The following CELSR3 variants were observed in gnomAD, a reference collection of about 807,000 sequenced individuals.
CELSR3 encodes the protein EGF-like protein 1.
CELSR3 carries 73 observed loss-of-function variants against 270.0 expected under a neutral mutation model. That is an observed-to-expected ratio of 0.27 (90% CI 0.22 to 0.33). The LOEUF (loss-of-function observed/expected upper bound fraction) is 0.33, where lower values mean the gene tolerates loss of function less well. CELSR3 is among the 10% of genes least tolerant of loss of function. The pLI, the probability that CELSR3 is intolerant of heterozygous loss-of-function variation, is 1.00. For missense variants in CELSR3, 3,614 were observed against 4,533.8 expected (o/e 0.80, Z 5.83); for synonymous variants, 1,780 against 1,905.4 (o/e 0.93, Z 1.71).
In CELSR3 at chr3:48,640,700, G is replaced by A. The variant is rs2047017931; in HGVS notation, c.9026-141C>T. 2.2e-6 allele frequency: 2 copies of A among 907,604 alleles called. No individual in the cohort carries two copies. Among genetic ancestry groups the A allele is most frequent in the Non-Finnish European group, 3.2e-6 (2 of 620,284 alleles). The allele number at this position is 907,604 out of a possible 1,614,324, so 56.2% of individuals were successfully genotyped here. On this transcript the variant is annotated intron_variant, in intron 33 of 34. Transcript: ENST00000164024. This position sits in a 1 kb window ranked among gnomAD's most constrained non-coding sequence, Gnocchi z 7.5. ...CAGGAACCCCTTGGGGAGCAGCAGA[G>A]GCAACCCTGGTGGTCCCAGAGAGGC... is the stretch of plus-strand genomic sequence containing the variant.
In CELSR3 at chr3:48,651,838, T is replaced by A. The variant is rs2047140203; in HGVS notation, c.5923+39A>T. Reference sequence around the variant, plus strand: ...GTCTTCATCATGGGCCCCTAACGCCTGCCCAGGTCACCCTTCCCCCAACCC... The same window carrying A: ...GTCTTCATCATGGGCCCCTAACGCCAGCCCAGGTCACCCTTCCCCCAACCC... On this transcript the variant is annotated intron_variant, in intron 12 of 34. Transcript: ENST00000164024. This position sits in a 1 kb window ranked among gnomAD's most constrained non-coding sequence, Gnocchi z 7.4. The A allele has an allele frequency of 6.3e-7, 1 of 1,579,268 alleles. No homozygotes were observed. Among genetic ancestry groups the A allele is most frequent in the African/African-American group, 1.4e-5 (1 of 73,580 alleles).
Position 48,651,359 on chromosome 3 carries a change from C to T in CELSR3, c.6186G>A (p.Lys2062=). ...TTAAAAGGTCAGGGGCCAGGCGCAC[C>T]TTGCAGTGACACTGCCCATTTGTCT... is the stretch of plus-strand genomic sequence containing the variant. The part of the protein sequence containing the change: ...CNKTNGQCHC[K]EFHYRPRGSD... Residue 2062 remains lysine, a splice_region_variant and synonymous_variant, in exon 14 of 35, where the codon AAG becomes AAA. Coordinates refer to ENST00000164024, the MANE Select transcript of CELSR3 (RefSeq NM_001407.3). This position sits in a 1 kb window ranked among gnomAD's most constrained non-coding sequence, Gnocchi z 7.4. 6.2e-7 allele frequency: 1 copy of T among 1,613,990 alleles called. No homozygotes were observed. The highest frequency in any genetic ancestry group is 8.5e-7 in the Non-Finnish European group (1 of 1,179,922).
Position 48,658,172 on chromosome 3 carries a change from G to T in CELSR3, c.3748+715C>A, listed in dbSNP as rs1376502164. On this transcript the variant is annotated intron_variant, in intron 1 of 34. Transcript: ENST00000164024. This position sits in a 1 kb window ranked among gnomAD's most constrained non-coding sequence, Gnocchi z 4.7. ...TTGAGTGAGTTGAGGGATAAATGAA[G>T]GTTGTGCCTTCTCAGGCAGTGCCAG... Among the ~76,000 whole-genome samples the T allele has an allele frequency of 7.2e-5, 11 of 152,210 alleles. No homozygotes were observed. The highest frequency in any genetic ancestry group is 7.2e-4 in the Admixed American group (11 of 15,282).
chr3:48,649,778 C>T (rs529477889), intron 16 of CELSR3, among the ~76,000 whole-genome samples: 82 of 152,230 alleles, frequency 5.4e-4, no homozygotes, highest in African/African-American at 1.9e-3. Flanking sequence ...TTTGTAGCTA[C>T]CAACAAGAGA....
At chr3:48,656,524 T>A (rs1383453757) in intron 2 of CELSR3, among the ~76,000 whole-genome samples, 159 bp from the exon 3 acceptor site, 2 of 152,240 alleles carry the variant, frequency 1.3e-5, no homozygotes, top group Non-Finnish European at 2.9e-5. Context: ...CCCTCCCCAG[T>A]CTCATCGCTG....
In CELSR3 at chr3:48,652,049, C is replaced by A; in HGVS notation, c.5752-1G>T. 6.5e-7 allele frequency: 1 copy of A among 1,535,574 alleles called. No individual in the cohort carries two copies. The highest frequency in any genetic ancestry group is 1.3e-5 in the South Asian group (1 of 78,544). Reference sequence around the variant, plus strand: ...AGGGTGTGGAGCCGAGCCACACCCCCTGTGGACACACAGCCAGCAAGGGGT... The same window carrying A: ...AGGGTGTGGAGCCGAGCCACACCCCATGTGGACACACAGCCAGCAAGGGGT... On this transcript the variant is annotated splice_acceptor_variant, in intron 11 of 34. Coordinates refer to ENST00000164024, the MANE Select transcript of CELSR3 (RefSeq NM_001407.3). LOFTEE classifies it high-confidence loss of function. This position sits in a 1 kb window ranked among gnomAD's most constrained non-coding sequence, Gnocchi z 4.3.
Position 48,653,599 on chromosome 3 carries a change from G to A in CELSR3, c.5448+20C>T. 1 of 1,611,786 alleles carries A rather than the reference G, an allele frequency of 6.2e-7. No individual in the cohort carries two copies. Among genetic ancestry groups the A allele is most frequent in the Non-Finnish European group, 8.5e-7 (1 of 1,178,530 alleles). On this transcript the variant is annotated intron_variant, in intron 9 of 34. Transcript: ENST00000164024. The surrounding 1 kb of genome is among the most constrained non-coding windows in gnomAD (Gnocchi z 6.5). Reference sequence around the variant, plus strand: ...AGAGACTGAGAACTGAGGGTATAGGGGTGAGCAGGGTGGACACACCTGGCA... The same window carrying A: ...AGAGACTGAGAACTGAGGGTATAGGAGTGAGCAGGGTGGACACACCTGGCA...
intron 16 of CELSR3, among the ~76,000 whole-genome samples, chr3:48,649,926 G>A (rs1261371875): frequency 6.6e-6 from 1 of 152,144 alleles, no homozygotes; most frequent in Non-Finnish European, 1.5e-5. Flanking sequence ...AGCAGGGAGT[G>A]TTCTGAGGGG....
Position 48,653,305 on chromosome 3 carries a change from T to G in CELSR3, c.5449-118A>C. 1.1e-6 allele frequency: 1 copy of G among 928,826 alleles called. No individual in the cohort carries two copies. 57.5% of individuals were successfully genotyped at this position (928,826 alleles called of 1,614,324 possible). ...GAGGTCAGAACAGTGGGGTCAAGGT[T>G]ATACCTGGCACAAAGGGCACTGTGC... On this transcript the variant is annotated intron_variant, in intron 9 of 34. Coordinates refer to ENST00000164024, the MANE Select transcript of CELSR3 (RefSeq NM_001407.3). This position sits in a 1 kb window ranked among gnomAD's most constrained non-coding sequence, Gnocchi z 6.5.
At position 48,638,133 on chromosome 3, in the gene CELSR3, C is replaced by A; in HGVS notation, c.*72G>T. 7.1e-7 allele frequency: 1 copy of A among 1,404,072 alleles called. No individual in the cohort carries two copies. The highest frequency in any genetic ancestry group is 1.0e-6 in the Non-Finnish European group (1 of 990,056). 87.0% of individuals were successfully genotyped at this position (1,404,072 alleles called of 1,614,324 possible). ...GAGGCTGCCTTGGGATCTGCCCCCA[C>A]TCCTGGAGTCTCTCCTGTTAGCCTA... On this transcript the variant is annotated 3_prime_UTR_variant, in exon 35 of 35. Coordinates refer to ENST00000164024, the MANE Select transcript of CELSR3 (RefSeq NM_001407.3).
chr3:48,649,759 T>C (rs2047120477), intron 16 of CELSR3, among the ~76,000 whole-genome samples: 2 of 152,112 alleles, frequency 1.3e-5, no homozygotes, highest in African/African-American at 4.8e-5. Context: ...GACTTGGATC[T>C]TAAAAAAGTT....
In CELSR3 at chr3:48,661,312, G is replaced by C. The variant is rs145748206; in HGVS notation, c.1323C>G (p.Thr441=). ...AGCCCTCCTCCACATTCTCGCGAAG[G>C]GTCTCCCGGTACTGCGCTTGCTCAA... ...PVFEQAQYRE[T]LRENVEEGYP... The change falls in exon 1 of 35, where the codon ACC becomes ACG. Residue 441 remains threonine (T), a synonymous_variant. Transcript: ENST00000164024. The C allele has an allele frequency of 9.7e-4, 1,569 of 1,613,392 alleles. 18 individuals are homozygous for C. The African/African-American group carries it at 0.018, about 18-fold the overall frequency.
rs749234917 is a variant in CELSR3, at chr3:48,641,296, G to C, written c.9025+28C>G. On this transcript the variant is annotated intron_variant, in intron 33 of 34. Transcript: ENST00000164024. The surrounding 1 kb of genome is among the most constrained non-coding windows in gnomAD (Gnocchi z 4.8). ...CATGAGCAGCCCCCAGCGTGTCTGCGGTGTGGGCCAGGGCTCAGGGACTGT... is the reference window on the plus strand; with the variant it reads ...CATGAGCAGCCCCCAGCGTGTCTGCCGTGTGGGCCAGGGCTCAGGGACTGT... 5 of 1,470,660 alleles carry C rather than the reference G, an allele frequency of 3.4e-6. No homozygotes were observed. Among genetic ancestry groups the C allele is most frequent in the Non-Finnish European group, 4.8e-6 (5 of 1,052,374 alleles). 91.1% of individuals were successfully genotyped at this position (1,470,660 alleles called of 1,614,324 possible). A position where few individuals can be genotyped will look rare whatever the true frequency, so the allele number is the denominator to read the frequency against.
chr3:48,660,202 A>C lies in CELSR3; in HGVS notation c.2433T>G (p.Gly811=), dbSNP rs1248390156. 1 of 1,613,744 alleles carries C rather than the reference A, an allele frequency of 6.2e-7. No individual in the cohort carries two copies. Among genetic ancestry groups the C allele is most frequent in the Non-Finnish European group, 8.5e-7 (1 of 1,179,976 alleles). ...RFAISTQGGV[G]LVTLALPLDY... ...CCAGTGGCAGAGCCAGAGTCACCAG[A>C]CCCACACCCCCCTGGGTGCTGATGG... Residue 811 remains glycine (G), a synonymous_variant, in exon 1 of 35, where the codon GGT becomes GGG. Coordinates refer to ENST00000164024, the MANE Select transcript of CELSR3 (RefSeq NM_001407.3). The surrounding 1 kb of genome is among the most constrained non-coding windows in gnomAD (Gnocchi z 5.5).
chr3:48,641,512 T>C lies in CELSR3; in HGVS notation c.8837A>G (p.Asn2946Ser), dbSNP rs78230005. ...LLTHPKDVDG[N>S]DLLSYWPALG... ...GGCTGGCCAGTAGGACAGGAGGTCA[T>C]TGCCATCCACATCTGTGGAGCCAGG... Residue 2946 changes from asparagine to serine, a missense_variant, in exon 33 of 35, where the codon AAT (asparagine) becomes AGT (serine). Asn to Ser is a conservative substitution (Grantham distance 46, BLOSUM62 1). Transcript: ENST00000164024. The surrounding 1 kb of genome is among the most constrained non-coding windows in gnomAD (Gnocchi z 4.8). 3.7e-6 allele frequency: 6 copies of C among 1,611,662 alleles called. No homozygotes were observed. The highest frequency in any genetic ancestry group is 2.7e-5 in the African/African-American group (2 of 74,886).
rs752951161 is a variant in CELSR3 at position 48,642,818 on chromosome 3, C to T, written c.8473G>A (p.Ala2825Thr). 3.4e-5 allele frequency: 55 copies of T among 1,613,010 alleles called. No individual in the cohort carries two copies. The African/African-American group carries it at 3.5e-4, about 10-fold the overall frequency. The change falls in exon 30 of 35, where the codon GCC becomes ACC. Residue 2825 changes from alanine to threonine, a missense_variant. Around this residue, in one of 7 missense-constraint regions of CELSR3, gnomAD observed 1,240 missense variants for 1,351.7 expected, o/e 0.92. Transcript: ENST00000164024. This position sits in a 1 kb window ranked among gnomAD's most constrained non-coding sequence, Gnocchi z 6.1. Reference sequence around the variant, plus strand: ...CTGCTCACAGAGGAGACGGTGGAGGCGCCCAGAGTGATGCGGATGAGGCCA... The same window carrying T: ...CTGCTCACAGAGGAGACGGTGGAGGTGCCCAGAGTGATGCGGATGAGGCCA... ...ESGLIRITLG[A>T]STVSSVSSAR...
intron 34 of CELSR3, among the ~76,000 whole-genome samples, chr3:48,638,548 T>C (rs1004421933): frequency 6.6e-6 from 1 of 151,808 alleles, no homozygotes; most frequent in South Asian, 2.1e-4. Flanking sequence ...AGTTTGTTAC[T>C]ACAGACTTCT....
chr3:48,654,902 G>T lies in CELSR3; in HGVS notation c.4988+142C>A, dbSNP rs964821623. The T allele has an allele frequency of 1.2e-6, 1 of 844,270 alleles. No homozygotes were observed. The highest frequency in any genetic ancestry group is 1.9e-6 in the Non-Finnish European group (1 of 520,070). The allele number at this position is 844,270 out of a possible 1,614,324, so 52.3% of individuals were successfully genotyped here. ...GGGCTAGGGTGAGTAGGCTTTCAGG[G>T]TCTTTGAGAGGAGAGGGGAATCTTG... On this transcript the variant is annotated intron_variant, in intron 6 of 34. Coordinates refer to ENST00000164024, the MANE Select transcript of CELSR3 (RefSeq NM_001407.3). The surrounding 1 kb of genome is among the most constrained non-coding windows in gnomAD (Gnocchi z 5.4).
In CELSR3 at chr3:48,650,436, C is replaced by CGGG; in HGVS notation, c.6472+43_6472+44insCCC. 1.8e-6 allele frequency: 1 copy of CGGG among 568,234 alleles called. No individual in the cohort carries two copies. The highest frequency in any genetic ancestry group is 3.3e-6 in the Non-Finnish European group (1 of 302,614). 35.2% of individuals were successfully genotyped at this position (568,234 alleles called of 1,614,324 possible). On this transcript the variant is annotated intron_variant, in intron 16 of 34. Coordinates refer to ENST00000164024, the MANE Select transcript of CELSR3 (RefSeq NM_001407.3). The surrounding 1 kb of genome is among the most constrained non-coding windows in gnomAD (Gnocchi z 5.1). The stretch of plus-strand genomic sequence containing the variant: ...ATGGCTCTAGCAGTCAGAGTACAGG[C>CGGG]CCACCCCCACCCTCAGTGATGTCCT...
Sources: gnomAD v4.1 joint callset for allele counts (sites outside exome capture counted in the v4.1 genomes callset) on GRCh38, gnomAD v4.1.1 for gene constraint, gnomAD v4.1.1 regional missense constraint, Gnocchi (gnomAD v3.1) non-coding constraint, MANE v1.5 for transcripts, NCBI Gene and HGNC (gene_info 2026-07-23, HGNC 2026-07-21) for gene names.